Variants in RBFOX1 observed in about 807,000 individuals in gnomAD.
The protein encoded by RBFOX1 is RNA binding protein fox-1 homolog 1.
Under a neutral mutation model 57.7 loss-of-function variants are expected in RBFOX1, and 8 were observed. That is an observed-to-expected ratio of 0.14 (90% CI 0.08 to 0.25). The LOEUF is 0.25. Among genes scored for constraint, RBFOX1 ranks in the 10% least tolerant of loss-of-function variants. RBFOX1 has a pLI of 1.00. For missense variants in RBFOX1, 611 were observed against 548.5 expected (o/e 1.11, Z -1.14); for synonymous variants, 326 against 222.4 (o/e 1.47, Z -4.15).
chr16:6,051,026 T>A (rs72772820), intron 1 of RBFOX1, among the ~76,000 whole-genome samples: 26,155 of 147,234 alleles, frequency 0.18, 2,963 homozygotes, highest in Non-Finnish European at 0.25. Context: ...AGATTCATCT[T>A]GTATATTTGC....
chr16:7,165,885 T>C (rs1248276625), intron 4 of RBFOX1, among the ~76,000 whole-genome samples: 1 of 151,758 alleles, frequency 6.6e-6, no homozygotes. Flanking sequence ...CTTGAATAGA[T>C]ATGTTGGATT....
chr16:6,390,773 G>C (rs1252858721), intron 2 of RBFOX1, among the ~76,000 whole-genome samples: 1 of 152,102 alleles, frequency 6.6e-6, no homozygotes. Flanking sequence ...TTAGTTTTGA[G>C]CAGGTGGATC....
intron 1 of RBFOX1, among the ~76,000 whole-genome samples, chr16:5,290,166 G>T (rs769262569): frequency 6.6e-6 from 1 of 152,138 alleles, no homozygotes; most frequent in Non-Finnish European, 1.5e-5. Flanking sequence ...TCCAGAACAC[G>T]CAAATCTATG....
chr16:5,319,699 AG>A (rs2064347815), intron 1 of RBFOX1, among the ~76,000 whole-genome samples: 1 of 152,218 alleles, frequency 6.6e-6, no homozygotes, highest in Non-Finnish European at 1.5e-5. Context: ...AAGTCACACT[AG>A]AGGCTGCAAT....
intron 1 of RBFOX1, among the ~76,000 whole-genome samples, chr16:5,461,128 A>C (rs2068774160): frequency 1.3e-5 from 2 of 152,130 alleles, no homozygotes; most frequent in Admixed American, 1.3e-4. Context: ...ACTGGAGAGG[A>C]AAACAGAAAG....
At chr16:6,215,333 G>T (rs1276485766) in intron 1 of RBFOX1, among the ~76,000 whole-genome samples, 4 of 145,716 alleles carry the variant, frequency 2.7e-5, no homozygotes, top group East Asian at 2.1e-4. Context: ...GAGAGGGGAG[G>T]GGGAGAAGGA....
chr16:7,138,431 C>A (rs899578885), intron 4 of RBFOX1, among the ~76,000 whole-genome samples: 4 of 152,034 alleles, frequency 2.6e-5, no homozygotes, highest in Admixed American at 2.6e-4. Context: ...TTATTGGCAA[C>A]GTGGAGGCAA....
chr16:6,518,672 T>G (rs1049637668), intron 2 of RBFOX1, among the ~76,000 whole-genome samples: 6 of 152,132 alleles, frequency 3.9e-5, no homozygotes, highest in African/African-American at 1.2e-4. Flanking sequence ...CCGGAGTAAC[T>G]GCCCTTTGAA....
intron 4 of RBFOX1, among the ~76,000 whole-genome samples, chr16:7,109,591 A>T (rs981877634): frequency 1.1e-4 from 17 of 152,226 alleles, no homozygotes; most frequent in Admixed American, 7.9e-4. Flanking sequence ...ATTTTGCACA[A>T]CCCAGGGATC....
chr16:7,689,706 C>A (rs2076911926), intron 14 of RBFOX1, among the ~76,000 whole-genome samples: 1 of 151,686 alleles, frequency 6.6e-6, no homozygotes, highest in African/African-American at 2.4e-5. Context: ...GAAGTAGGGG[C>A]CAACTCAAAG....
intron 1 of RBFOX1, among the ~76,000 whole-genome samples, chr16:6,194,614 C>G (rs960683678): frequency 6.6e-6 from 1 of 152,182 alleles, no homozygotes; most frequent in African/African-American, 2.4e-5. Context: ...TATCTTCTAA[C>G]TCTCGATTCA....
At chr16:6,186,508 G>T (rs1026180423) in intron 1 of RBFOX1, among the ~76,000 whole-genome samples, 2 of 152,158 alleles carry the variant, frequency 1.3e-5, no homozygotes, top group Non-Finnish European at 2.9e-5. Flanking sequence ...GAATGGAGAT[G>T]GATATAGTGA....
chr16:7,546,059 G>A (rs867736826), intron 5 of RBFOX1, among the ~76,000 whole-genome samples: 7 of 151,898 alleles, frequency 4.6e-5, no homozygotes, highest in African/African-American at 1.7e-4. Context: ...AGGCACAGTG[G>A]CTCATGTCAG....
intron 4 of RBFOX1, among the ~76,000 whole-genome samples, chr16:7,379,069 TGTA>T (rs1286228232): frequency 6.6e-6 from 1 of 152,196 alleles, no homozygotes; most frequent in Admixed American, 6.5e-5. Context: ...CTCATAGAAA[TGTA>T]GTACTGGGTA....
chr16:5,650,497 G>A (rs1313580163), intron 3 of RBFOX1, among the ~76,000 whole-genome samples: 1 of 152,174 alleles, frequency 6.6e-6, no homozygotes, highest in Non-Finnish European at 1.5e-5. Context: ...CTATTAAACG[G>A]GAGTGTGATT....
intron 1 of RBFOX1, among the ~76,000 whole-genome samples, chr16:5,303,245 C>G (rs1287203755): frequency 6.6e-6 from 1 of 152,166 alleles, no homozygotes; most frequent in African/African-American, 2.4e-5. Flanking sequence ...TGATGGGTCC[C>G]TATAGCACAG....
At chr16:6,840,897 A>AAAAAAAAAAAAAAAAG (rs751671784) in intron 3 of RBFOX1, among the ~76,000 whole-genome samples, 1 of 137,496 alleles carries the variant, frequency 7.3e-6, no homozygotes, top group South Asian at 2.3e-4. Flanking sequence ...CAAAAAAAAA[A>AAAAAAAAAAAAAAAAG]AAAAAAACGA....
At chr16:5,256,657 G>A (rs1301709574) in intron 1 of RBFOX1, among the ~76,000 whole-genome samples, 1 of 152,176 alleles carries the variant, frequency 6.6e-6, no homozygotes, top group Non-Finnish European at 1.5e-5. Flanking sequence ...CTAAGTGGCT[G>A]GGCATGGTGG....
At chr16:7,474,649 C>T (rs997183548) in intron 4 of RBFOX1, among the ~76,000 whole-genome samples, 3 of 152,202 alleles carry the variant, frequency 2.0e-5, no homozygotes, top group Non-Finnish European at 2.9e-5. Context: ...GTCGGACTGG[C>T]TTTCATCCCT....
Sources: gnomAD v4.1 joint callset for allele counts (sites outside exome capture counted in the v4.1 genomes callset) on GRCh38, gnomAD v4.1.1 for gene constraint, MANE v1.5 for transcripts, NCBI Gene and HGNC (gene_info 2026-07-23, HGNC 2026-07-21) for gene names.